The following LONRF3 variants were observed in gnomAD, a reference collection of about 807,000 sequenced individuals.
LONRF3 encodes LON peptidase N-terminal domain and RING finger protein 3.
LONRF3 carries 19 observed loss-of-function variants against 51.7 expected under a neutral mutation model. The ratio of observed to expected loss-of-function variants is 0.37; its 90% CI spans 0.26 to 0.54. LONRF3 has a LOEUF of 0.54. LONRF3 is among the 20% of genes least tolerant of loss of function. The probability of loss-of-function intolerance (pLI) is 0.86; values close to 1 mark genes in which losing one functional copy is unlikely to be tolerated. For synonymous variants in LONRF3, 265 were observed against 257.8 expected (o/e 1.03, Z -0.27); for missense variants, 521 against 623.9 (o/e 0.84, Z 1.76).
chrX:118,981,204 G>T (rs1345658500), intron 2 of LONRF3, among the ~76,000 whole-genome samples: 2 of 110,756 alleles, frequency 1.8e-5, no homozygotes, highest in Non-Finnish European at 3.8e-5. Context: ...ATATGGGTTG[G>T]CCGGGCATGG....
At chrX:119,011,637 A>G (rs1925117543) in intron 7 of LONRF3, among the ~76,000 whole-genome samples, 178 bp from the exon 8 acceptor site, 1 of 112,120 alleles carries the variant, frequency 8.9e-6, no homozygotes, top group Non-Finnish European at 1.9e-5. Context: ...TATCAATTGC[A>G]TTTCAATATT....
chrX:119,005,702 G>GTGTAA (rs1569296190), intron 5 of LONRF3, among the ~76,000 whole-genome samples: 1 of 111,849 alleles, frequency 8.9e-6, no homozygotes, highest in Non-Finnish European at 1.9e-5. Flanking sequence ...ATGGGTAAAT[G>GTGTAA]TGTAAGAGAG....
At chrX:118,990,593 T>C (rs1242992006) in intron 5 of LONRF3, 33 bp downstream of exon 5, 10 of 1,104,838 alleles carry the variant, frequency 9.1e-6, no homozygotes, top group Middle Eastern at 2.4e-4. Context: ...TACTTCCTGA[T>C]GTTTCTTCAT....
At chrX:119,013,295 A>G in intron 9 of LONRF3, 94 bp downstream of exon 9, 1 of 923,146 alleles carries the variant, frequency 1.1e-6, no homozygotes, top group South Asian at 2.5e-5. Context: ...AGAACCCTTG[A>G]GGGCCTTGGG....
intron 5 of LONRF3, among the ~76,000 whole-genome samples, chrX:118,997,893 A>G (rs919959090): frequency 1.8e-5 from 2 of 112,956 alleles, no homozygotes; most frequent in Admixed American, 1.9e-4. Flanking sequence ...ACTAATGATC[A>G]GGAAAATGCA....
intron 5 of LONRF3, among the ~76,000 whole-genome samples, chrX:118,995,113 A>G (rs760244834): frequency 8.9e-6 from 1 of 112,460 alleles, no homozygotes; most frequent in East Asian, 2.8e-4. Context: ...CACTAAATTT[A>G]AGAGAACTGA....
chrX:118,987,086 A>G, intron 3 of LONRF3: 1 of 1,148,041 alleles, frequency 8.7e-7, no homozygotes, highest in Non-Finnish European at 1.2e-6. Context: ...TACAGGTAAA[A>G]CTCAACTCAC....
chrX:119,017,275 T>C (rs1179035128), intron 10 of LONRF3, among the ~76,000 whole-genome samples: 1 of 112,086 alleles, frequency 8.9e-6, no homozygotes, highest in African/African-American at 3.2e-5. Context: ...AGGTTACACA[T>C]ATCACTTCCC....
chrX:118,998,254 T>C (rs1924014958), intron 5 of LONRF3, among the ~76,000 whole-genome samples: 1 of 112,509 alleles, frequency 8.9e-6, no homozygotes, highest in African/African-American at 3.2e-5. Flanking sequence ...AACTCTGGTA[T>C]ATATATACAA....
In LONRF3 at chrX:118,988,032, C is replaced by T. The variant is rs188030442; in HGVS notation, c.1060-1376C>T. Among the ~76,000 whole-genome samples the T allele has an allele frequency of 2.4e-3, 269 of 111,292 alleles. 5 individuals carry two copies. Among genetic ancestry groups the T allele is most frequent in the Admixed American group, 0.017 (175 of 10,499 alleles). ...GGTCAGAAGTTGAGGATCAGAAGCG[C>T]AGACTCCAAGGCAGAGTTTAGCACT... On this transcript the variant is annotated intron_variant, in intron 3 of 10. Transcript: ENST00000371628.
intron 2 of LONRF3, among the ~76,000 whole-genome samples, chrX:118,979,204 C>T (rs1922353418): frequency 1.8e-5 from 2 of 109,321 alleles, no homozygotes; most frequent in Admixed American, 1.9e-4. Flanking sequence ...AGGTTTTCAC[C>T]GTGTTAGCCA....
intron 9 of LONRF3, among the ~76,000 whole-genome samples, chrX:119,013,910 T>C (rs1020387812): frequency 3.6e-5 from 4 of 111,966 alleles, no homozygotes. Flanking sequence ...CAGCATAACC[T>C]GGTTTAACCA....
intron 2 of LONRF3, among the ~76,000 whole-genome samples, chrX:118,981,883 A>T (rs771650273): frequency 1.8e-5 from 2 of 111,823 alleles, no homozygotes; most frequent in East Asian, 5.6e-4. Flanking sequence ...TCATTCACTA[A>T]GTTAGGCTTA....
chrX:118,997,260 G>T (rs1406210231), intron 5 of LONRF3, among the ~76,000 whole-genome samples: 2 of 111,966 alleles, frequency 1.8e-5, no homozygotes, highest in Non-Finnish European at 3.8e-5. Context: ...CATGGTACTC[G>T]TATAAAAATA....
chrX:119,017,868 T>G lies in LONRF3; in HGVS notation c.*178T>G. 7 of 374,332 alleles carry G rather than the reference T, an allele frequency of 1.9e-5. No individual in the cohort carries two copies. The highest frequency in any genetic ancestry group is 3.1e-5 in the Non-Finnish European group (7 of 226,257). The allele number at this position is 374,332 out of a possible 1,213,427, so 30.8% of individuals were successfully genotyped here. A position where few individuals can be genotyped will look rare whatever the true frequency, so the allele number is the denominator to read the frequency against. On this transcript the variant is annotated 3_prime_UTR_variant, in exon 11 of 11. Transcript: ENST00000371628. ...AAAGACCAAAAGAATGTGACCTATT[T>G]GAAACTTTCTGTCTTAAGATGCTTC... is the stretch of plus-strand genomic sequence containing the variant.
In LONRF3 at chrX:118,975,216, G is replaced by A. The variant is rs759481042; in HGVS notation, c.436G>A (p.Ala146Thr). The A allele has an allele frequency of 2.6e-6, 3 of 1,173,516 alleles. No individual in the cohort carries two copies. The highest frequency in any genetic ancestry group is 1.8e-5 in the African/African-American group (1 of 55,951). Reference sequence around the variant, plus strand: ...GGCGGAAGAGACGGGGGCCGCCGCGGCTGCGGCGGCCACCGAGGTGTGGGA... The same window carrying A: ...GGCGGAAGAGACGGGGGCCGCCGCGACTGCGGCGGCCACCGAGGTGTGGGA... ...VAAEETGAAA[A>T]AAATEVWDGF... is the part of the protein sequence containing the mutation. Residue 146 changes from alanine (A) to threonine (T), a missense_variant, in exon 1 of 11, where the codon GCT (alanine) becomes ACT (threonine). Coordinates refer to ENST00000371628, the MANE Select transcript of LONRF3 (RefSeq NM_001031855.3).
intron 4 of LONRF3, among the ~76,000 whole-genome samples, 158 bp downstream of exon 4, chrX:118,989,830 G>C (rs1923292993): frequency 9.0e-6 from 1 of 111,495 alleles, no homozygotes; most frequent in Non-Finnish European, 1.9e-5. Flanking sequence ...TTGCTATGAG[G>C]CTTCTGTGAG....
At chrX:118,993,644 G>A (rs1262982614) in intron 5 of LONRF3, among the ~76,000 whole-genome samples, 1 of 111,446 alleles carries the variant, frequency 9.0e-6, no homozygotes, top group Non-Finnish European at 1.9e-5. Flanking sequence ...CCTTGTGAGA[G>A]ACCTAGATAG....
chrX:119,016,334 C>G (rs908676357), intron 10 of LONRF3, among the ~76,000 whole-genome samples: 4 of 77,955 alleles, frequency 5.1e-5, no homozygotes, highest in African/African-American at 1.9e-4. Flanking sequence ...GAATATATTT[C>G]TTTCTTTCTT....
Sources: allele counts gnomAD v4.1 joint callset (sites outside exome capture counted in the v4.1 genomes callset), GRCh38; gene constraint gnomAD v4.1.1; transcripts MANE v1.5; gene names NCBI Gene and HGNC (gene_info 2026-07-23, HGNC 2026-07-21).